The following AGAP4 variants were observed in gnomAD, a reference collection of about 807,000 sequenced individuals.
AGAP4 encodes the protein arf-GAP with GTPase, ANK repeat and PH domain-containing protein 4.
A neutral mutation model predicts 60.7 loss-of-function variants in AGAP4; 13 were observed. The observed-to-expected ratio is 0.21, with a 90% CI of 0.14 to 0.34. AGAP4 has a LOEUF of 0.34. AGAP4 is among the 10% of genes least tolerant of loss of function. The pLI is 1.00. For missense variants in AGAP4, 169 were observed against 884.0 expected (o/e 0.19, Z 10.26); for synonymous variants, 70 against 339.0 (o/e 0.21, Z 8.72).
upstream of AGAP4, chr10:45,847,559 C>A (rs1355791272): frequency 2.8e-6 from 4 of 1,441,606 alleles, no homozygotes; most frequent in African/African-American, 6.0e-5. Flanking sequence ...CCGCACCCTG[C>A]TGCCTCCCCT....
intron 6 of AGAP4, among the ~76,000 whole-genome samples, chr10:45,830,195 C>CA (rs1292930518): frequency 6.7e-6 from 1 of 148,966 alleles, no homozygotes; most frequent in African/African-American, 2.5e-5. Flanking sequence ...TTTTTTGAGA[C>CA]AGAGTCGCTC....
chr10:45,844,296 C>G (rs1288210991), intron 3 of AGAP4, 30 bp downstream of exon 3: 9 of 1,593,790 alleles, frequency 5.6e-6, no homozygotes, highest in Admixed American at 5.0e-5. Flanking sequence ...TTTATTCTTT[C>G]TCTTGGTGGA....
At chr10:45,831,470 T>C in intron 5 of AGAP4, 41 bp from the exon 6 acceptor site, 2 of 1,585,032 alleles carry the variant, frequency 1.3e-6, no homozygotes, top group Non-Finnish European at 1.7e-6. Context: ...ATGTTAACAT[T>C]TGTTAGGCCT....
upstream of AGAP4, among the ~76,000 whole-genome samples, chr10:45,849,470 G>GATTATTATT (rs201974903): frequency 1.8e-3 from 268 of 146,576 alleles, no homozygotes; most frequent in East Asian, 6.1e-3. Flanking sequence ...TGATGATGAT[G>GATTATTATT]ATGATTATTA....
At chr10:45,840,010 C>G (rs1554898499) in intron 4 of AGAP4, among the ~76,000 whole-genome samples, 1 of 149,824 alleles carries the variant, frequency 6.7e-6, no homozygotes, top group Non-Finnish European at 1.5e-5. Flanking sequence ...ATCTGAATAA[C>G]AAGACTATCA....
At chr10:45,839,241 G>GA (rs2058878222) in intron 4 of AGAP4, among the ~76,000 whole-genome samples, 1 of 102,154 alleles carries the variant, frequency 9.8e-6, no homozygotes, top group Non-Finnish European at 2.1e-5. Context: ...AAAGTGACTG[G>GA]AACAGAAGCG....
chr10:45,853,512 T>C (rs1362157542), intron 1 of AGAP4: 6 of 1,063,516 alleles, frequency 5.6e-6, no homozygotes, highest in Non-Finnish European at 7.3e-6. Flanking sequence ...GGTTTCACAA[T>C]GACATGTCAG....
At chr10:45,851,121 T>C (rs1412059655), upstream of AGAP4, among the ~76,000 whole-genome samples, 1 of 151,974 alleles carries the variant, frequency 6.6e-6, no homozygotes, top group African/African-American at 2.4e-5. Context: ...AAAATTCTGT[T>C]GTTCTCAGAG....
At chr10:45,830,001 G>A (rs1177599279) in intron 6 of AGAP4, among the ~76,000 whole-genome samples, 136 of 142,220 alleles carry the variant, frequency 9.6e-4, no homozygotes, top group East Asian at 2.4e-3. Flanking sequence ...AGATCAATGA[G>A]TACTGATGGA....
At chr10:45,853,817 T>G in exon 1 of AGAP4, 1 of 1,286,380 alleles carries the variant, frequency 7.8e-7, no homozygotes, top group African/African-American at 1.5e-5. Context: ...TTTGCTGGTT[T>G]TATGATCCTC....
upstream of AGAP4, chr10:45,849,031 G>C (rs2059044896): frequency 6.7e-6 from 1 of 148,644 alleles, no homozygotes; most frequent in South Asian, 2.4e-4. Context: ...TTTGAGACCA[G>C]CCTAGCTAAT....
intron 3 of AGAP4, 24 bp downstream of exon 3, chr10:45,844,302 G>T (rs1242688405): frequency 4.4e-6 from 7 of 1,593,608 alleles, no homozygotes; most frequent in Non-Finnish European, 5.9e-6. Context: ...CTTTCTCTTG[G>T]TGGAAAAAAC....
chr10:45,850,784 C>G (rs2059073763), upstream of AGAP4, among the ~76,000 whole-genome samples: 13 of 151,816 alleles, frequency 8.6e-5, no homozygotes, highest in South Asian at 2.7e-3. Context: ...TCCTCCTGGC[C>G]AAGAATGTAG....
chr10:45,850,075 G>T (rs1201092684), upstream of AGAP4, among the ~76,000 whole-genome samples: 2 of 151,716 alleles, frequency 1.3e-5, no homozygotes, highest in South Asian at 4.2e-4. Flanking sequence ...GATTACAGGA[G>T]CCCAACCCCA....
At chr10:45,829,890 A>AT (rs2058703777) in intron 6 of AGAP4, among the ~76,000 whole-genome samples, 1 of 150,114 alleles carries the variant, frequency 6.7e-6, no homozygotes, top group Admixed American at 6.7e-5. Context: ...ACTAAAAGTG[A>AT]TTTTTGACAC....
upstream of AGAP4, chr10:45,847,996 C>T: frequency 9.8e-7 from 1 of 1,016,050 alleles, no homozygotes; most frequent in South Asian, 4.0e-5. Flanking sequence ...AAGCCATCTT[C>T]CTCTATGAGT....
At chr10:45,831,693 T>C (rs1189882815) in intron 5 of AGAP4, among the ~76,000 whole-genome samples, 361 of 118,276 alleles carry the variant, frequency 3.1e-3, no homozygotes, top group South Asian at 0.016. Flanking sequence ...TTCCTTGTTA[T>C]ATGCTTTTCT....
At chr10:45,840,074 G>T (rs1334432889) in intron 4 of AGAP4, among the ~76,000 whole-genome samples, 4 of 149,656 alleles carry the variant, frequency 2.7e-5, no homozygotes, top group African/African-American at 1.0e-4. Context: ...GAGATAGTCT[G>T]CAGGTTTAGT....
rs1162888748 is a variant in AGAP4, at chr10:45,843,978, A to G, written c.361+348T>C. Among the ~76,000 whole-genome samples, 33 of 150,010 alleles carry G rather than the reference A, an allele frequency of 2.2e-4. No homozygotes were observed. In the East Asian group the frequency reaches 5.6e-3, roughly 25 times the overall value. On this transcript the variant is annotated intron_variant, in intron 3 of 7. Transcript: ENST00000616763. The stretch of plus-strand genomic sequence containing the variant: ...TGAAGTTCTATCATTCATCTTTAAA[A>G]TGTACTTTTTGGAGCAAGGGAAAAG...
Sources: gnomAD v4.1 joint callset for allele counts (sites outside exome capture counted in the v4.1 genomes callset) on GRCh38, gnomAD v4.1.1 for gene constraint, MANE v1.5 for transcripts, NCBI Gene and HGNC (gene_info 2026-07-23, HGNC 2026-07-21) for gene names.